UVRAG: variants seen among roughly 807,000 people sequenced by gnomAD.
UVRAG encodes the protein UV radiation resistance associated.
In UVRAG, 19 loss-of-function variants were observed where a neutral mutation model predicts 78.0. The ratio of observed to expected loss-of-function variants is 0.24; its 90% CI spans 0.17 to 0.36. The LOEUF (loss-of-function observed/expected upper bound fraction) is 0.36. Among genes scored for constraint, UVRAG ranks in the 10% least tolerant of loss-of-function variants. The pLI is 1.00. For synonymous variants in UVRAG, 323 were observed against 324.6 expected, an observed-to-expected ratio of 1.00 and a Z score of 0.05; for missense variants, 740 against 853.8, an observed-to-expected ratio of 0.87 and a Z score of 1.66.
chr11:76,139,588 G>A (rs1382048866), intron 14 of UVRAG, among the ~76,000 whole-genome samples: 1 of 152,096 alleles, frequency 6.6e-6, no homozygotes, highest in Non-Finnish European at 1.5e-5. Flanking sequence ...AATGATCTGT[G>A]TGTGCCTCCC....
chr11:76,054,295 G>A (rs1184205536), intron 12 of UVRAG, among the ~76,000 whole-genome samples: 2 of 152,170 alleles, frequency 1.3e-5, no homozygotes, highest in Non-Finnish European at 2.9e-5. Flanking sequence ...CAAAATGAGA[G>A]AATCCAACCA....
chr11:75,970,264 A>C (rs1192132619), intron 7 of UVRAG, among the ~76,000 whole-genome samples: 2 of 152,222 alleles, frequency 1.3e-5, no homozygotes, highest in Non-Finnish European at 2.9e-5. Flanking sequence ...CAATGGTTTG[A>C]TGTAGTATTT....
At chr11:76,011,666 A>C (rs183865342) in intron 11 of UVRAG, among the ~76,000 whole-genome samples, 6 of 152,276 alleles carry the variant, frequency 3.9e-5, no homozygotes, top group Admixed American at 3.9e-4. Flanking sequence ...AATATCCTGC[A>C]GGCACTTGCA....
intron 13 of UVRAG, among the ~76,000 whole-genome samples, chr11:76,076,239 T>C (rs1951402246): frequency 6.6e-6 from 1 of 152,196 alleles, no homozygotes; most frequent in African/African-American, 2.4e-5. Flanking sequence ...TAGTCTGTTC[T>C]CATGCTGCTA....
At position 75,815,386 on chromosome 11, in the gene UVRAG, G is replaced by T. The variant is rs931337047; in HGVS notation, c.-22G>T. On this transcript the variant is annotated 5_prime_UTR_variant, in exon 1 of 15. Coordinates refer to ENST00000356136, the MANE Select transcript of UVRAG (RefSeq NM_003369.4). ...ATGCCGGAAGAGTGCCCGCCCCGCC[G>T]CTTGGCGGCCCCTGGATCGAGATGA... 2.5e-6 allele frequency: 3 copies of T among 1,209,006 alleles called. No individual in the cohort carries two copies. Among genetic ancestry groups the T allele is most frequent in the South Asian group, 3.5e-5 (1 of 28,930 alleles). 74.9% of individuals were successfully genotyped at this position (1,209,006 alleles called of 1,614,324 possible).
At chr11:75,866,521 T>C (rs11825402) in intron 3 of UVRAG, among the ~76,000 whole-genome samples, 10,246 of 152,024 alleles carry the variant, frequency 0.067, 490 homozygotes, top group African/African-American at 0.14. Flanking sequence ...GCACTCCAGC[T>C]TGGGCGACAC....
At chr11:75,826,716 T>C (rs1210406540) in intron 1 of UVRAG, among the ~76,000 whole-genome samples, 1 of 151,088 alleles carries the variant, frequency 6.6e-6, no homozygotes. Flanking sequence ...TTTTTTTAAA[T>C]GTTCTACTTA....
At chr11:75,818,773 G>T (rs1287429709) in intron 1 of UVRAG, among the ~76,000 whole-genome samples, 1 of 152,036 alleles carries the variant, frequency 6.6e-6, no homozygotes, top group Non-Finnish European at 1.5e-5. Flanking sequence ...CATTGCGCCC[G>T]GCTGGTATCA....
intron 3 of UVRAG, among the ~76,000 whole-genome samples, chr11:75,867,881 TGTA>T (rs1366245549): frequency 6.6e-6 from 1 of 152,346 alleles, no homozygotes; most frequent in South Asian, 2.1e-4. Flanking sequence ...TAGCAGCACA[TGTA>T]GTGCTAACAT....
intron 6 of UVRAG, among the ~76,000 whole-genome samples, chr11:75,917,776 C>T (rs1283811187): frequency 6.6e-6 from 1 of 152,160 alleles, no homozygotes; most frequent in African/African-American, 2.4e-5. Flanking sequence ...TTTGGTTTCT[C>T]TAATTTTTCT....
At chr11:75,939,114 G>A (rs977248089) in intron 6 of UVRAG, among the ~76,000 whole-genome samples, 3 of 151,792 alleles carry the variant, frequency 2.0e-5, no homozygotes, top group African/African-American at 7.3e-5. Flanking sequence ...AGTTATTTCA[G>A]GTGGGATTAA....
intron 6 of UVRAG, among the ~76,000 whole-genome samples, chr11:75,929,132 CAAT>C (rs752143481): frequency 1.3e-5 from 2 of 151,826 alleles, no homozygotes; most frequent in Non-Finnish European, 2.9e-5. Flanking sequence ...AAAATAGTAA[CAAT>C]AAAGAATTTT....
At chr11:75,914,774 G>A (rs991799233) in intron 6 of UVRAG, among the ~76,000 whole-genome samples, 1 of 151,980 alleles carries the variant, frequency 6.6e-6, no homozygotes, top group Non-Finnish European at 1.5e-5. Context: ...GATTACAGGC[G>A]TGAGCCACTG....
chr11:75,992,144 A>T (rs1949620003), intron 8 of UVRAG, among the ~76,000 whole-genome samples: 1 of 152,198 alleles, frequency 6.6e-6, no homozygotes, highest in Non-Finnish European at 1.5e-5. Flanking sequence ...AGCCACATGC[A>T]TAGCAAGTTA....
intron 12 of UVRAG, among the ~76,000 whole-genome samples, chr11:76,039,479 A>G (rs2134326399): frequency 6.6e-6 from 1 of 152,374 alleles, no homozygotes; most frequent in South Asian, 2.1e-4. Context: ...GGCCAATAGA[A>G]TTATATGAGA....
At chr11:75,885,451 A>G (rs1452835191) in intron 4 of UVRAG, among the ~76,000 whole-genome samples, 1 of 152,146 alleles carries the variant, frequency 6.6e-6, no homozygotes, top group African/African-American at 2.4e-5. Context: ...TTTCTTCCTC[A>G]GTATTTAAGA....
chr11:75,858,047 T>C (rs1429262727), intron 2 of UVRAG, among the ~76,000 whole-genome samples: 1 of 152,196 alleles, frequency 6.6e-6, no homozygotes, highest in African/African-American at 2.4e-5. Flanking sequence ...TCACTTTTGC[T>C]TATTGCTCTG....
intron 1 of UVRAG, among the ~76,000 whole-genome samples, chr11:75,845,924 T>C (rs1208828729): frequency 6.6e-6 from 1 of 152,114 alleles, no homozygotes. Flanking sequence ...AAAAGAAAAC[T>C]GCATAGAATG....
intron 12 of UVRAG, among the ~76,000 whole-genome samples, chr11:76,057,936 C>T (rs144056566): frequency 0.014 from 2,065 of 152,110 alleles, 28 homozygotes; most frequent in Middle Eastern, 0.037. Context: ...GTTATTGTCG[C>T]CCTGGAGGAC....
Sources: gnomAD v4.1 joint callset for allele counts (sites outside exome capture counted in the v4.1 genomes callset) on GRCh38, gnomAD v4.1.1 for gene constraint, MANE v1.5 for transcripts, NCBI Gene and HGNC (gene_info 2026-07-23, HGNC 2026-07-21) for gene names.